CFAP54: variants seen among roughly 807,000 people sequenced by gnomAD.
CFAP54 encodes the protein cilia and flagella associated protein 54, also known as cilia- and flagella-associated protein 54.
In CFAP54, 290 loss-of-function variants were observed where a neutral mutation model predicts 370.4. The observed-to-expected ratio is 0.78, with a 90% CI of 0.71 to 0.86. The LOEUF is 0.86. Among genes scored for constraint, CFAP54 ranks in the 40% least tolerant of loss-of-function variants. The probability of loss-of-function intolerance (pLI) is 0.00; values close to 1 mark genes in which losing one functional copy is unlikely to be tolerated. For missense variants in CFAP54, 3,399 were observed against 3,528.7 expected (o/e 0.96, Z 0.93); for synonymous variants, 1,206 against 1,236.5 (o/e 0.98, Z 0.52).
In CFAP54 at chr12:96,621,656, G is replaced by T. The variant is rs181762348; in HGVS notation, c.3706G>T (p.Asp1236Tyr). ...TATAAATTATGGGAAAAAAATGTTG[G>T]ACATCACACCAGGATGCAAGTCTCT... Reference protein sequence around the residue: ...MIINYGKKMLDITPGCKSLFD... With the variant: ...MIINYGKKMLYITPGCKSLFD... Residue 1236 changes from aspartate to tyrosine, a missense_variant, in exon 27 of 68, where the codon GAC becomes TAC. Transcript: ENST00000524981. 1 of 1,527,748 alleles carries T rather than the reference G, an allele frequency of 6.5e-7. No individual in the cohort carries two copies. Among genetic ancestry groups the T allele is most frequent in the Admixed American group, 2.0e-5 (1 of 50,914 alleles). The allele number at this position is 1,527,748 out of a possible 1,614,324, so 94.6% of individuals were successfully genotyped here.
chr12:96,750,168 T>C (rs7295385), intron 55 of CFAP54, among the ~76,000 whole-genome samples: 58,161 of 151,982 alleles, frequency 0.38, 12,296 homozygotes, highest in East Asian at 0.68. Flanking sequence ...TGTCCCTGAT[T>C]TTTGATCCAA....
At chr12:96,764,633 G>GA (rs942836939) in intron 59 of CFAP54, among the ~76,000 whole-genome samples, 23 of 151,012 alleles carry the variant, frequency 1.5e-4, no homozygotes, top group Admixed American at 7.9e-4. Flanking sequence ...AAGAAAAAAA[G>GA]AAAAAAAAAT....
At chr12:96,497,653 C>G (rs1281753315) in intron 1 of CFAP54, among the ~76,000 whole-genome samples, 1 of 152,172 alleles carries the variant, frequency 6.6e-6, no homozygotes, top group Non-Finnish European at 1.5e-5. Flanking sequence ...AGACAAGCAC[C>G]TACAACAGCA....
intron 39 of CFAP54, among the ~76,000 whole-genome samples, chr12:96,671,155 A>G (rs1314683768): frequency 6.6e-6 from 1 of 152,090 alleles, no homozygotes; most frequent in East Asian, 1.9e-4. Flanking sequence ...ATATTTTAGT[A>G]GAGATGGGGT....
At chr12:96,852,659 A>C (rs559881304) in intron 66 of CFAP54, among the ~76,000 whole-genome samples, 9 of 152,266 alleles carry the variant, frequency 5.9e-5, no homozygotes, top group Admixed American at 2.0e-4. Flanking sequence ...TAAAGAAAAG[A>C]CTGATGGATT....
chr12:96,650,116 C>G, intron 35 of CFAP54, 44 bp downstream of exon 35: 1 of 1,499,548 alleles, frequency 6.7e-7, no homozygotes, highest in Non-Finnish European at 9.0e-7. Context: ...ACATAAATTT[C>G]AGCCCACCAA....
chr12:96,641,110 A>G (rs1956722879), intron 32 of CFAP54, among the ~76,000 whole-genome samples: 1 of 151,988 alleles, frequency 6.6e-6, no homozygotes, highest in South Asian at 2.1e-4. Context: ...TCTGCACAGC[A>G]AAAAGAAACT....
chr12:96,795,627 C>T (rs1958753598), intron 63 of CFAP54, among the ~76,000 whole-genome samples: 1 of 152,034 alleles, frequency 6.6e-6, no homozygotes, highest in Non-Finnish European at 1.5e-5. Flanking sequence ...CTCACTCCCA[C>T]CGTGCCCTCC....
chr12:96,604,452 C>T (rs2136448013), intron 26 of CFAP54, among the ~76,000 whole-genome samples: 1 of 152,346 alleles, frequency 6.6e-6, no homozygotes, highest in Middle Eastern at 3.4e-3. Flanking sequence ...ATTATCGGAG[C>T]TCAATCGCCA....
In CFAP54 at chr12:96,786,905, T is replaced by C; in HGVS notation, c.8679+7T>C. ...ACGTGAATCATCTGCCAAGGTAACG[T>C]TTTTTGAAACATGATATATTTACAT... is the stretch of plus-strand genomic sequence containing the variant. On this transcript the variant is annotated splice_region_variant and intron_variant, in intron 62 of 67. Coordinates refer to ENST00000524981, the MANE Select transcript of CFAP54 (RefSeq NM_001306084.2). 1 of 1,507,824 alleles carries C rather than the reference T, an allele frequency of 6.6e-7. No individual in the cohort carries two copies. Among genetic ancestry groups the C allele is most frequent in the Non-Finnish European group, 8.9e-7 (1 of 1,127,562 alleles). 93.4% of individuals were successfully genotyped at this position (1,507,824 alleles called of 1,614,324 possible).
chr12:96,850,886 G>C (rs556171647), intron 66 of CFAP54, among the ~76,000 whole-genome samples: 1 of 152,092 alleles, frequency 6.6e-6, no homozygotes, highest in East Asian at 1.9e-4. Flanking sequence ...ACAGCATGGA[G>C]GAAACCACCC....
At chr12:96,682,398 C>CAAAA in intron 40 of CFAP54, 1 of 777,532 alleles carries the variant, frequency 1.3e-6, no homozygotes, top group Non-Finnish European at 1.6e-6. Context: ...GACGAGGTCT[C>CAAAA]ATTTTGTCAT....
intron 6 of CFAP54, among the ~76,000 whole-genome samples, chr12:96,520,751 T>C (rs1389894188): frequency 6.6e-6 from 1 of 152,266 alleles, no homozygotes; most frequent in African/African-American, 2.4e-5. Flanking sequence ...ATTTCTGCTC[T>C]AGTCAACCTC....
chr12:96,506,688 A>G (rs1955105337), intron 3 of CFAP54, among the ~76,000 whole-genome samples: 1 of 151,140 alleles, frequency 6.6e-6, no homozygotes, highest in East Asian at 1.9e-4. Context: ...CCAGGTTCAA[A>G]CGATTCTCCT....
At chr12:96,867,295 A>AG (rs1960030275) in intron 67 of CFAP54, among the ~76,000 whole-genome samples, 2 of 151,838 alleles carry the variant, frequency 1.3e-5, no homozygotes, top group South Asian at 4.1e-4. Context: ...TTAAAAAAAA[A>AG]TTATCAAATT....
chr12:96,727,647 C>A (rs1252480219), intron 50 of CFAP54, among the ~76,000 whole-genome samples: 1 of 151,890 alleles, frequency 6.6e-6, no homozygotes, highest in Non-Finnish European at 1.5e-5. Flanking sequence ...CAGTCTGTGT[C>A]TTTTAATTGG....
chr12:96,493,110 A>T (rs968249269), intron 1 of CFAP54, among the ~76,000 whole-genome samples: 18 of 152,232 alleles, frequency 1.2e-4, no homozygotes, highest in South Asian at 4.1e-4. Context: ...CTTTAACAAG[A>T]CTATAAGAAT....
At chr12:96,538,297 T>C (rs1260486486) in intron 12 of CFAP54, 87 bp from the exon 13 acceptor site, 6 of 1,143,508 alleles carry the variant, frequency 5.2e-6, no homozygotes, top group Non-Finnish European at 7.3e-6. Context: ...TTTGTAAAGC[T>C]CTTAGAGTGT....
At chr12:96,817,647 C>G (rs1958992049) in intron 64 of CFAP54, 128 bp from the exon 65 acceptor site, 1 of 381,144 alleles carries the variant, frequency 2.6e-6, no homozygotes, top group Admixed American at 4.4e-5. Context: ...GTATCAATCT[C>G]CTGACCTCGT....
Sources: gnomAD v4.1 joint callset for allele counts (sites outside exome capture counted in the v4.1 genomes callset) on GRCh38, gnomAD v4.1.1 for gene constraint, MANE v1.5 for transcripts, NCBI Gene and HGNC (gene_info 2026-07-23, HGNC 2026-07-21) for gene names.